Variants in CSMD3 observed in about 807,000 individuals in gnomAD.
CSMD3 encodes CUB and sushi domain-containing protein 3.
Under a neutral mutation model 435.2 loss-of-function variants are expected in CSMD3, and 177 were observed. The observed-to-expected ratio is 0.41, with a 90% CI of 0.36 to 0.46. The LOEUF (loss-of-function observed/expected upper bound fraction) is 0.46. Ranked by LOEUF, CSMD3 falls within the 20% of genes least tolerant of loss-of-function variation. CSMD3 has a pLI of 0.34. For synonymous variants in CSMD3, 1,656 were observed against 1,520.5 expected (o/e 1.09, Z -2.07); for missense variants, 4,265 against 4,504.6 (o/e 0.95, Z 1.52).
chr8:112,419,321 T>C, intron 32 of CSMD3, among the ~76,000 whole-genome samples: 1 of 152,160 alleles, frequency 6.6e-6, no homozygotes, highest in East Asian at 1.9e-4. Context: ...TCTGGAGTGC[T>C]AAGTCAGCAA....
chr8:112,691,678 T>C (rs1359963994), intron 13 of CSMD3, among the ~76,000 whole-genome samples: 1 of 152,182 alleles, frequency 6.6e-6, no homozygotes, highest in African/African-American at 2.4e-5. Flanking sequence ...TTCTGACTTC[T>C]AATGCTATTA....
At chr8:112,325,698 C>T (rs914648765) in intron 45 of CSMD3, among the ~76,000 whole-genome samples, 5 of 151,766 alleles carry the variant, frequency 3.3e-5, no homozygotes, top group African/African-American at 7.3e-5. Context: ...TGAGTATATA[C>T]GTATGATATA....
chr8:112,301,960 G>A lies in CSMD3; in HGVS notation c.8273C>T (p.Ser2758Phe), dbSNP rs759145168. The A allele has an allele frequency of 7.5e-6, 12 of 1,598,384 alleles. No homozygotes were observed. The highest frequency in any genetic ancestry group is 1.1e-5 in the South Asian group (1 of 90,688). Residue 2758 changes from serine to phenylalanine, a missense_variant, in exon 53 of 71, where the codon TCC (serine) becomes TTC (phenylalanine). By Grantham distance (155) the Ser-to-Phe change is radical. Transcript: ENST00000297405. Reference sequence around the variant, plus strand: ...TGGAGGTGTAGGTAGTTCTCCACAGGAAATAACTTTAAAATGATAAATAAA... The same window carrying A: ...TGGAGGTGTAGGTAGTTCTCCACAGAAAATAACTTTAAAATGATAAATAAA... ...RNERPYCQII[S>F]CGELPTPPNG...
At chr8:112,270,363 T>C (rs927269547) in intron 59 of CSMD3, among the ~76,000 whole-genome samples, 7 of 139,576 alleles carry the variant, frequency 5.0e-5, no homozygotes, top group African/African-American at 2.2e-4. Flanking sequence ...TGTGTGTGTG[T>C]GTGTGTGTGT....
chr8:113,153,883 G>T lies in CSMD3; in HGVS notation c.709+19839C>A, dbSNP rs371137377. On this transcript the variant is annotated intron_variant, in intron 4 of 70. Transcript: ENST00000297405. The stretch of plus-strand genomic sequence containing the variant: ...TATGTTCATAAATACTGAATTAGAT[G>T]ATTTACAAGATTTCCGTTAAGCTTG... 4.0e-5 allele frequency among the ~76,000 whole-genome samples: 6 copies of T among 151,840 alleles called. No individual in the cohort carries two copies. The East Asian group carries it at 1.2e-3, about 30-fold the overall frequency.
At chr8:113,268,673 G>C (rs1443172677) in intron 3 of CSMD3, among the ~76,000 whole-genome samples, 4 of 152,012 alleles carry the variant, frequency 2.6e-5, no homozygotes, top group Non-Finnish European at 5.9e-5. Flanking sequence ...ATGGGCTAAA[G>C]AAGGCTAAAA....
At chr8:112,610,316 C>T (rs1171515609) in intron 22 of CSMD3, among the ~76,000 whole-genome samples, 1 of 150,062 alleles carries the variant, frequency 6.7e-6, no homozygotes, top group Non-Finnish European at 1.5e-5. Context: ...GTCAATTATA[C>T]CTCAGTAAAG....
chr8:112,779,836 TGAA>T (rs2078338601), intron 13 of CSMD3, among the ~76,000 whole-genome samples: 2 of 152,082 alleles, frequency 1.3e-5, no homozygotes, highest in South Asian at 4.1e-4. Context: ...TTTAATCAAA[TGAA>T]GAACTCTGAT....
chr8:112,303,814 G>A (rs959781566), intron 52 of CSMD3, among the ~76,000 whole-genome samples: 38 of 152,006 alleles, frequency 2.5e-4, no homozygotes, highest in African/African-American at 8.5e-4. Flanking sequence ...TGTCTGCTAC[G>A]TTAAACTTCT....
intron 11 of CSMD3, among the ~76,000 whole-genome samples, chr8:112,851,632 C>T (rs895641237): frequency 2.6e-5 from 4 of 151,822 alleles, no homozygotes; most frequent in South Asian, 2.1e-4. Context: ...GGTGTGGTGG[C>T]GTGTGCCTGT....
chr8:112,502,780 A>G (rs988608869), intron 30 of CSMD3, among the ~76,000 whole-genome samples: 2 of 152,196 alleles, frequency 1.3e-5, no homozygotes, highest in African/African-American at 2.4e-5. Context: ...ATAATTTTCC[A>G]TTATTGAAAA....
At chr8:112,534,461 T>C (rs752966074) in intron 27 of CSMD3, among the ~76,000 whole-genome samples, 22 of 151,846 alleles carry the variant, frequency 1.4e-4, no homozygotes, top group Non-Finnish European at 2.6e-4. Context: ...ACACATACAC[T>C]CTCCCAAGAC....
At chr8:113,086,506 AATTCAAAATAT>A (rs137880419) in intron 5 of CSMD3, among the ~76,000 whole-genome samples, 101,341 of 151,130 alleles carry the variant, frequency 0.67, 35,579 homozygotes, top group East Asian at 0.95. Context: ...AGGCAAAATA[AATTCAAAATAT>A]ATTCAAAATA....
intron 32 of CSMD3, among the ~76,000 whole-genome samples, chr8:112,451,242 G>A (rs1816232179): frequency 6.6e-6 from 1 of 152,090 alleles, no homozygotes; most frequent in South Asian, 2.1e-4. Context: ...TCTCTGGATA[G>A]TGAAGTTATA....
intron 13 of CSMD3, among the ~76,000 whole-genome samples, chr8:112,730,590 T>C (rs964688469): frequency 6.6e-6 from 1 of 152,146 alleles, no homozygotes; most frequent in African/African-American, 2.4e-5. Flanking sequence ...ATTAATTCCC[T>C]CTTTTTCATG....
At chr8:113,179,903 A>G (rs181029403) in intron 3 of CSMD3, among the ~76,000 whole-genome samples, 7 of 151,984 alleles carry the variant, frequency 4.6e-5, no homozygotes, top group Admixed American at 1.3e-4. Flanking sequence ...TTGGGAGCAC[A>G]TGTATAGTTG....
intron 10 of CSMD3, among the ~76,000 whole-genome samples, chr8:112,902,538 C>T (rs1016344256): frequency 1.3e-5 from 2 of 151,146 alleles, no homozygotes; most frequent in African/African-American, 4.8e-5. Context: ...ATATATGAAC[C>T]TGGTTTGATG....
chr8:112,539,740 C>A (rs949094198), intron 27 of CSMD3, among the ~76,000 whole-genome samples: 3 of 152,048 alleles, frequency 2.0e-5, no homozygotes, highest in Non-Finnish European at 2.9e-5. Flanking sequence ...TCACCATACA[C>A]AAAACTAAAA....
At chr8:112,949,291 T>C (rs936676686) in intron 8 of CSMD3, among the ~76,000 whole-genome samples, 11 of 152,048 alleles carry the variant, frequency 7.2e-5, no homozygotes, top group African/African-American at 2.2e-4. Flanking sequence ...AATAATTTTC[T>C]TAGTATTACC....
Sources: allele counts gnomAD v4.1 joint callset (sites outside exome capture counted in the v4.1 genomes callset), GRCh38; gene constraint gnomAD v4.1.1; transcripts MANE v1.5; gene names NCBI Gene and HGNC (gene_info 2026-07-23, HGNC 2026-07-21).